CCDC85A: variants seen among roughly 807,000 people sequenced by gnomAD.
CCDC85A encodes the protein coiled-coil domain-containing protein 85A.
In CCDC85A, 38 loss-of-function variants were observed where a neutral mutation model predicts 50.2. The observed-to-expected ratio is 0.76, with a 90% CI of 0.58 to 0.99. CCDC85A has a LOEUF of 0.99. CCDC85A is among the 50% of genes least tolerant of loss of function. The pLI is 0.00. For synonymous variants in CCDC85A, 366 were observed against 301.4 expected (o/e 1.21, Z -2.22); for missense variants, 820 against 742.0 (o/e 1.11, Z -1.22).
At chr2:56,322,404 G>T (rs1229497220) in intron 2 of CCDC85A, among the ~76,000 whole-genome samples, 2 of 151,966 alleles carry the variant, frequency 1.3e-5, no homozygotes, top group East Asian at 3.9e-4. Context: ...TCTGACAAAG[G>T]GCTAGTATCC....
chr2:56,229,613 C>T (rs757727991), intron 2 of CCDC85A, among the ~76,000 whole-genome samples: 23 of 152,030 alleles, frequency 1.5e-4, no homozygotes, highest in Non-Finnish European at 3.1e-4. Flanking sequence ...TTGGTGGTAT[C>T]GTGGACCTCT....
intron 2 of CCDC85A, among the ~76,000 whole-genome samples, chr2:56,197,090 G>A (rs933946739): frequency 5.9e-5 from 9 of 152,124 alleles, no homozygotes; most frequent in African/African-American, 2.2e-4. Flanking sequence ...GGAGTGTCAG[G>A]GTTGTAAGTC....
At position 56,184,437 on chromosome 2, in the gene CCDC85A, C is replaced by T; in HGVS notation, c.-188C>T. The T allele has an allele frequency of 1.7e-6, 1 of 602,438 alleles. No homozygotes were observed. Among genetic ancestry groups the T allele is most frequent in the Non-Finnish European group, 2.3e-6 (1 of 426,866 alleles). The allele number at this position is 602,438 out of a possible 1,614,324, so 37.3% of individuals were successfully genotyped here. A position where few individuals can be genotyped will look rare whatever the true frequency, so the allele number is the denominator to read the frequency against. On this transcript the variant is annotated 5_prime_UTR_variant, in exon 1 of 6. Coordinates refer to ENST00000407595, the MANE Select transcript of CCDC85A (RefSeq NM_001080433.2). ...GGCCCTGGGGGAGCGCGGGCGCGCGCGCGGGGATGGCGAGGTAGGATGGCC... is the reference window on the plus strand; with the variant it reads ...GGCCCTGGGGGAGCGCGGGCGCGCGTGCGGGGATGGCGAGGTAGGATGGCC...
intron 3 of CCDC85A, among the ~76,000 whole-genome samples, chr2:56,349,367 G>C (rs1674790990): frequency 6.6e-6 from 1 of 152,158 alleles, no homozygotes; most frequent in Admixed American, 6.5e-5. Flanking sequence ...AGCACGAGTG[G>C]TGTGGGTGTG....
intron 2 of CCDC85A, among the ~76,000 whole-genome samples, chr2:56,276,338 G>A (rs867510651): frequency 7.2e-6 from 1 of 138,300 alleles, no homozygotes; most frequent in African/African-American, 2.7e-5. Flanking sequence ...ACTGGCTAGA[G>A]GGGCCCAGGG....
At chr2:56,216,603 G>A (rs1416824229) in intron 2 of CCDC85A, among the ~76,000 whole-genome samples, 1 of 151,136 alleles carries the variant, frequency 6.6e-6, no homozygotes, top group Non-Finnish European at 1.5e-5. Flanking sequence ...ACTGTATCCT[G>A]TCTACCTTGT....
At chr2:56,200,572 C>G (rs1676692100) in intron 2 of CCDC85A, among the ~76,000 whole-genome samples, 1 of 152,130 alleles carries the variant, frequency 6.6e-6, no homozygotes, top group Non-Finnish European at 1.5e-5. Flanking sequence ...GAGTGCCGTT[C>G]AAGTGTTTCC....
In CCDC85A at chr2:56,342,916, A is replaced by G. The variant is rs369400795; in HGVS notation, c.1278A>G (p.Arg426=). 19 of 1,597,978 alleles carry G rather than the reference A, an allele frequency of 1.2e-5. No homozygotes were observed. The highest frequency in any genetic ancestry group is 1.4e-5 in the Non-Finnish European group (16 of 1,171,482). The part of the protein sequence containing the change: ...TLSYVRQLEA[R]VRQLEEENRM... Reference sequence around the variant, plus strand: ...CCTATGTTAGGCAGCTGGAGGCAAGAGTAAGACAGCTGGAGGAAGAAAATC... The same window carrying G: ...CCTATGTTAGGCAGCTGGAGGCAAGGGTAAGACAGCTGGAGGAAGAAAATC... The change falls in exon 3 of 6, where the codon AGA becomes AGG. Residue 426 remains arginine, a synonymous_variant. Transcript: ENST00000407595.
chr2:56,384,338 T>A lies in CCDC85A; in HGVS notation c.1645T>A (p.Tyr549Asn). ...GIRQHLSGNQ[Y>N]KGPM is the part of the protein sequence containing the mutation. ...TAGGCAACATTTGTCAGGAAACCAG[T>A]ACAAAGGACCAATGTGAGATGCACT... The change falls in exon 6 of 6, where the codon TAC becomes AAC. Residue 549 changes from tyrosine to asparagine, a missense_variant. Tyr to Asn is a moderately radical substitution (Grantham distance 143). Transcript: ENST00000407595. 1 of 1,611,200 alleles carries A rather than the reference T, an allele frequency of 6.2e-7. No individual in the cohort carries two copies. Among genetic ancestry groups the A allele is most frequent in the South Asian group, 1.1e-5 (1 of 91,012 alleles).
At chr2:56,299,436 G>T (rs1351062099) in intron 2 of CCDC85A, among the ~76,000 whole-genome samples, 1 of 152,140 alleles carries the variant, frequency 6.6e-6, no homozygotes, top group Non-Finnish European at 1.5e-5. Context: ...TGCAATAAGA[G>T]AATTAAAATT....
intron 2 of CCDC85A, among the ~76,000 whole-genome samples, chr2:56,294,508 G>A (rs1671862091): frequency 6.6e-6 from 1 of 152,140 alleles, no homozygotes; most frequent in African/African-American, 2.4e-5. Context: ...GAATGGTTAA[G>A]GCCAGTGTTA....
chr2:56,278,842 G>T (rs769784674), intron 2 of CCDC85A, among the ~76,000 whole-genome samples: 45 of 152,168 alleles, frequency 3.0e-4, no homozygotes, highest in Non-Finnish European at 5.7e-4. Flanking sequence ...CAAAGTGCTG[G>T]GATTACAGGC....
intron 3 of CCDC85A, among the ~76,000 whole-genome samples, chr2:56,349,017 G>T (rs935399950): frequency 4.6e-5 from 7 of 152,082 alleles, no homozygotes; most frequent in South Asian, 4.1e-4. Context: ...GATCCTTAAA[G>T]CAAGTGATGG....
At chr2:56,363,679 A>G (rs1239199936) in intron 3 of CCDC85A, among the ~76,000 whole-genome samples, 1 of 152,196 alleles carries the variant, frequency 6.6e-6, no homozygotes, top group Non-Finnish European at 1.5e-5. Context: ...GCAAATATTT[A>G]TTTTAAGTCA....
chr2:56,255,276 G>A (rs539770523), intron 2 of CCDC85A, among the ~76,000 whole-genome samples: 21 of 152,318 alleles, frequency 1.4e-4, no homozygotes, highest in African/African-American at 4.8e-4. Flanking sequence ...AAGAAATAAA[G>A]CATATCAGTG....
intron 2 of CCDC85A, among the ~76,000 whole-genome samples, chr2:56,253,727 G>A (rs994393501): frequency 6.6e-6 from 1 of 152,192 alleles, no homozygotes; most frequent in Non-Finnish European, 1.5e-5. Context: ...TCGGAGCAAA[G>A]ATTGATAGGA....
At chr2:56,298,821 G>A (rs893876075) in intron 2 of CCDC85A, among the ~76,000 whole-genome samples, 1 of 152,118 alleles carries the variant, frequency 6.6e-6, no homozygotes, top group African/African-American at 2.4e-5. Flanking sequence ...TTACTTTTGT[G>A]GCCTTTGAAA....
At chr2:56,224,321 T>C (rs916767117) in intron 2 of CCDC85A, among the ~76,000 whole-genome samples, 2 of 152,248 alleles carry the variant, frequency 1.3e-5, no homozygotes, top group Admixed American at 1.3e-4. Context: ...TGGGGACTAA[T>C]ATATTGTATG....
At chr2:56,371,802 G>T (rs1339431013) in intron 3 of CCDC85A, among the ~76,000 whole-genome samples, 1 of 152,074 alleles carries the variant, frequency 6.6e-6, no homozygotes, top group Non-Finnish European at 1.5e-5. Context: ...TTTTAATGCA[G>T]TGATGACCTT....
Sources: gnomAD v4.1 joint callset for allele counts (sites outside exome capture counted in the v4.1 genomes callset) on GRCh38, gnomAD v4.1.1 for gene constraint, MANE v1.5 for transcripts, NCBI Gene and HGNC (gene_info 2026-07-23, HGNC 2026-07-21) for gene names.